The following IQGAP3 variants were observed in gnomAD, a reference collection of about 807,000 sequenced individuals.
The protein encoded by IQGAP3 is IQ motif containing GTPase activating protein 3.
IQGAP3 carries 165 observed loss-of-function variants against 208.2 expected under a neutral mutation model. The observed-to-expected ratio is 0.79, with a 90% CI of 0.70 to 0.90. The LOEUF (loss-of-function observed/expected upper bound fraction) is 0.90, where lower values mean the gene tolerates loss of function less well. Among genes scored for constraint, IQGAP3 ranks in the 40% least tolerant of loss-of-function variants. IQGAP3 has a pLI of 0.00. For missense variants in IQGAP3, 1,811 were observed against 2,043.1 expected (o/e 0.89, Z 2.19); for synonymous variants, 703 against 803.6 (o/e 0.87, Z 2.12).
At chr1:156,548,027 C>A in intron 19 of IQGAP3, 46 bp downstream of exon 19, 1 of 1,557,484 alleles carries the variant, frequency 6.4e-7, no homozygotes, top group South Asian at 1.2e-5. Context: ...CCCTGGAGCC[C>A]AGATAAGCCC....
intron 9 of IQGAP3, among the ~76,000 whole-genome samples, chr1:156,562,231 G>A (rs1676188716): frequency 6.6e-6 from 1 of 151,634 alleles, no homozygotes; most frequent in African/African-American, 2.4e-5. Context: ...ATAGGCAAAT[G>A]CCCACCCATC....
chr1:156,556,780 T>C, intron 11 of IQGAP3, 87 bp from the exon 12 acceptor site: 1 of 1,263,064 alleles, frequency 7.9e-7, no homozygotes, highest in Non-Finnish European at 1.1e-6. Flanking sequence ...CGCCGGGGGA[T>C]CTTGGTGGGG....
intron 19 of IQGAP3, 144 bp downstream of exon 19, chr1:156,547,929 T>C (rs1049779488): frequency 1.4e-6 from 1 of 734,420 alleles, no homozygotes; most frequent in Admixed American, 3.0e-5. Flanking sequence ...ACATACATGG[T>C]CTGGCTCCAG....
intron 16 of IQGAP3, among the ~76,000 whole-genome samples, chr1:156,549,918 G>A: frequency 6.6e-6 from 1 of 152,128 alleles, no homozygotes; most frequent in East Asian, 1.9e-4. Flanking sequence ...AGAGCTGATT[G>A]ACTGTTGGAA....
At position 156,526,580 on chromosome 1, in the gene IQGAP3, T is replaced by A; in HGVS notation, c.4802A>T (p.Tyr1601Phe). 6.2e-7 allele frequency: 1 copy of A among 1,613,884 alleles called. No individual in the cohort carries two copies. The highest frequency in any genetic ancestry group is 1.1e-5 in the South Asian group (1 of 91,076). The change falls in exon 38 of 38, where the codon TAT becomes TTT. Residue 1601 changes from tyrosine (Y) to phenylalanine (F), a missense_variant. Transcript: ENST00000361170. ...GAGTTTCATGACAGCCACACCCTCA[T>A]ACTGGAGCTGCAGGAGATCCTAGGA... ...LHYQDLLQLQ[Y>F]EGVAVMKLFN...
chr1:156,547,857 GGA>G (rs1313186606), intron 19 of IQGAP3, among the ~76,000 whole-genome samples: 1 of 152,202 alleles, frequency 6.6e-6, no homozygotes, highest in Non-Finnish European at 1.5e-5. Context: ...GGAAACTGAG[GGA>G]GAGAGGGTAA....
Position 156,532,960 on chromosome 1 carries a change from C to T in IQGAP3, c.4103+20G>A, listed in dbSNP as rs1674482315. The T allele has an allele frequency of 1.2e-6, 2 of 1,613,462 alleles. No homozygotes were observed. Among genetic ancestry groups the T allele is most frequent in the Middle Eastern group, 1.7e-4 (1 of 6,060 alleles). The stretch of plus-strand genomic sequence containing the variant: ...GCTGGGGAGCTCAGGTATGCAGGGG[C>T]AGAGGCTGGCATCACCCACCTCAGA... On this transcript the variant is annotated intron_variant, in intron 32 of 37. Coordinates refer to ENST00000361170, the MANE Select transcript of IQGAP3 (RefSeq NM_178229.5).
Position 156,556,586 on chromosome 1 carries a change from C to T in IQGAP3, c.1237G>A (p.Val413Ile). Residue 413 changes from valine to isoleucine, a missense_variant, in exon 12 of 38, where the codon GTT becomes ATT. Coordinates refer to ENST00000361170, the MANE Select transcript of IQGAP3 (RefSeq NM_178229.5). ...TCCAGCTGGTACATAGACGATGCAA[C>T]AGGGTACACTGGAGGCAGCTGGGCC... ...PEAQLPPVYP[V>I]ASSMYQLELA... 2.5e-6 allele frequency: 4 copies of T among 1,613,646 alleles called. No homozygotes were observed. The highest frequency in any genetic ancestry group is 3.4e-6 in the Non-Finnish European group (4 of 1,179,622).
chr1:156,526,531 G>T lies in IQGAP3; in HGVS notation c.4851C>A (p.Val1617=), dbSNP rs749044535. The part of the protein sequence containing the change: ...MKLFNKAKVN[V]NLLIFLLNKK... The stretch of plus-strand genomic sequence containing the variant: ...TGTTGAGGAGGAAGATGAGAAGGTT[G>T]ACATTGACTTTGGCCTTGTTGAAGA... Residue 1617 remains valine (V), a synonymous_variant, in exon 38 of 38, where the codon GTC becomes GTA. Transcript: ENST00000361170. 3.7e-6 allele frequency: 6 copies of T among 1,614,196 alleles called. No homozygotes were observed. The highest frequency in any genetic ancestry group is 5.1e-6 in the Non-Finnish European group (6 of 1,180,000).
At chr1:156,547,199 C>A (rs1675286086) in intron 19 of IQGAP3, among the ~76,000 whole-genome samples, 1 of 152,176 alleles carries the variant, frequency 6.6e-6, no homozygotes. Context: ...AGAGGCCACA[C>A]TGGACCATCC....
At chr1:156,552,633 C>T (rs1328333755) in intron 13 of IQGAP3, among the ~76,000 whole-genome samples, 1 of 152,214 alleles carries the variant, frequency 6.6e-6, no homozygotes, top group Non-Finnish European at 1.5e-5. Flanking sequence ...AAATCTGACT[C>T]CTTTTTCCCA....
In IQGAP3 at chr1:156,539,365, AGAGCCTACTT is replaced by A. The variant is rs1295733465; in HGVS notation, c.3055_3056+8del. 5 of 1,612,636 alleles carry A rather than the reference AGAGCCTACTT, an allele frequency of 3.1e-6. No homozygotes were observed. Among genetic ancestry groups the A allele is most frequent in the Non-Finnish European group, 4.2e-6 (5 of 1,179,460 alleles). On this transcript the variant is annotated splice_donor_variant and splice_donor_5th_base_variant and coding_sequence_variant and intron_variant, in exon 25 of 38. Transcript: ENST00000361170. LOFTEE classifies it high-confidence loss of function. ...TCTCTCCCCATTCCTTTGTGTCTGG[AGAGCCTACTT>A]GATTTCCTCCTGGAGTGCTGTCTTG...
intron 2 of IQGAP3, among the ~76,000 whole-genome samples, chr1:156,567,162 C>A (rs768036647): frequency 6.6e-6 from 1 of 152,232 alleles, no homozygotes; most frequent in African/African-American, 2.4e-5. Context: ...CCACCGCGCC[C>A]GGCCCTAGTT....
At chr1:156,537,553 G>A (rs1474225119) in intron 26 of IQGAP3, among the ~76,000 whole-genome samples, 1 of 152,186 alleles carries the variant, frequency 6.6e-6, no homozygotes, top group East Asian at 1.9e-4. Context: ...AATGTAGGAA[G>A]GAACAGAGAA....
rs368406317 is a variant in IQGAP3, at chr1:156,569,383, C to A, written c.118G>T (p.Ala40Ser). 13 of 1,611,654 alleles carry A rather than the reference C, an allele frequency of 8.1e-6. No individual in the cohort carries two copies. Among genetic ancestry groups the A allele is most frequent in the Non-Finnish European group, 1.1e-5 (13 of 1,178,228 alleles). The change falls in exon 2 of 38, where the codon GCC becomes TCC. Residue 40 changes from alanine (A) to serine (S), a missense_variant. Ala to Ser is a moderately conservative substitution (Grantham distance 99). Coordinates refer to ENST00000361170, the MANE Select transcript of IQGAP3 (RefSeq NM_178229.5). The part of the protein sequence containing the change: ...AYQYLCRLEE[A>S]KRWMEACLKE... The stretch of plus-strand genomic sequence containing the variant: ...TTCCTGGACTCCGCTCACCGCTTGG[C>A]CTCCTCCAGCCGGCACAGGTACTGA...
intron 32 of IQGAP3, 55 bp downstream of exon 32, chr1:156,532,925 T>C: frequency 6.2e-7 from 1 of 1,607,192 alleles, no homozygotes; most frequent in Non-Finnish European, 8.5e-7. Context: ...GCCATTTTAC[T>C]GGCCTCAGGG....
At chr1:156,526,989 C>T (rs1018191712) in intron 37 of IQGAP3, among the ~76,000 whole-genome samples, 9 of 151,714 alleles carry the variant, frequency 5.9e-5, no homozygotes, top group African/African-American at 1.5e-4. Flanking sequence ...GGTGCCACCA[C>T]GCCAGGCTAA....
In IQGAP3 at chr1:156,562,651, G is replaced by A. The variant is rs747506657; in HGVS notation, c.813C>T (p.Ser271=). 2 of 1,613,846 alleles carry A rather than the reference G, an allele frequency of 1.2e-6. No homozygotes were observed. Among genetic ancestry groups the A allele is most frequent in the Non-Finnish European group, 1.7e-6 (2 of 1,179,858 alleles). ...ANARNHDDRE[S]QDIYDHYLTQ... is the part of the protein sequence containing the mutation. ...TTAGGTAGTGGTCATAGATGTCCTG[G>A]CTTTCTCTGTCATCCTGCAAAAACT... Residue 271 remains serine (S), a synonymous_variant, in exon 9 of 38, where the codon AGC becomes AGT. Coordinates refer to ENST00000361170, the MANE Select transcript of IQGAP3 (RefSeq NM_178229.5).
intron 5 of IQGAP3, among the ~76,000 whole-genome samples, chr1:156,564,148 CA>C (rs1442888357): frequency 6.6e-6 from 1 of 152,066 alleles, no homozygotes; most frequent in African/African-American, 2.4e-5. Context: ...AGCTAAGGCA[CA>C]GGGGCACAAA....
Sources: gnomAD v4.1 joint callset for allele counts (sites outside exome capture counted in the v4.1 genomes callset) on GRCh38, gnomAD v4.1.1 for gene constraint, MANE v1.5 for transcripts, NCBI Gene and HGNC (gene_info 2026-07-23, HGNC 2026-07-21) for gene names.